The following TUB variants were observed in gnomAD, a reference collection of about 807,000 sequenced individuals.
The protein encoded by TUB is tubby protein homolog.
A neutral mutation model predicts 59.7 loss-of-function variants in TUB; 33 were observed. The observed-to-expected ratio is 0.55, with a 90% CI of 0.42 to 0.74. TUB has a LOEUF of 0.74. Among genes scored for constraint, TUB ranks in the 30% least tolerant of loss-of-function variants. The pLI is 0.00. For synonymous variants in TUB, 293 were observed against 256.4 expected (o/e 1.14, Z -1.36); for missense variants, 659 against 672.0 (o/e 0.98, Z 0.21).
chr11:8,101,853 CAT>C lies in TUB; in HGVS notation c.*235_*236del. On this transcript the variant is annotated 3_prime_UTR_variant, in exon 12 of 12. Coordinates refer to ENST00000299506, the MANE Select transcript of TUB (RefSeq NM_177972.3). ...GTGAAGGGATGAGAATAATTCTTTC[CAT>C]GCCACGAGATCAACACACACTCCCA... The C allele has an allele frequency of 3.4e-6, 2 of 581,752 alleles. No individual in the cohort carries two copies. Among genetic ancestry groups the C allele is most frequent in the South Asian group, 2.6e-5 (1 of 38,632 alleles). The allele number at this position is 581,752 out of a possible 1,614,324, so 36.0% of individuals were successfully genotyped here. A position where few individuals can be genotyped will look rare whatever the true frequency, so the allele number is the denominator to read the frequency against.
Position 8,101,686 on chromosome 11 carries a change from A to G in TUB, c.*67A>G, listed in dbSNP as rs1944314944. The G allele has an allele frequency of 2.5e-6, 4 of 1,580,024 alleles. No homozygotes were observed. The South Asian group carries it at 3.4e-5, about 14-fold the overall frequency. On this transcript the variant is annotated 3_prime_UTR_variant, in exon 12 of 12. Coordinates refer to ENST00000299506, the MANE Select transcript of TUB (RefSeq NM_177972.3). The stretch of plus-strand genomic sequence containing the variant: ...AGCTTGCCTGCCTGCCTGTGGAGAC[A>G]GCCCTGCCTATCCTCTGTATATAGG...
intron 1 of TUB, among the ~76,000 whole-genome samples, chr11:8,089,028 A>C (rs1943719699): frequency 6.6e-6 from 1 of 152,206 alleles, no homozygotes; most frequent in Non-Finnish European, 1.5e-5. Context: ...CTCTCAAATG[A>C]GAAGGAGGAC....
At chr11:8,039,493 A>T in intron 1 of TUB, 1 of 606,000 alleles carries the variant, frequency 1.7e-6, no homozygotes, top group Non-Finnish European at 2.7e-6. Context: ...AAGTCCCTCT[A>T]CCCTGATCCA....
intron 9 of TUB, among the ~76,000 whole-genome samples, chr11:8,100,173 A>G (rs919823597): frequency 6.6e-6 from 1 of 152,204 alleles, no homozygotes; most frequent in Non-Finnish European, 1.5e-5. Context: ...GTCTGGGTAT[A>G]ATTGGAAGGT....
rs1368849854 is a variant in TUB at position 8,100,894 on chromosome 11, G to A, written c.1284G>A (p.Lys428=). The A allele has an allele frequency of 6.2e-7, 1 of 1,614,186 alleles. No individual in the cohort carries two copies. The highest frequency in any genetic ancestry group is 2.2e-5 in the East Asian group (1 of 44,878). ...AGAGTATCATCGAGCTGCAAAACAAGACACCTGTCTGGAATGATGACACAC... is the reference window on the plus strand; with the variant it reads ...AGAGTATCATCGAGCTGCAAAACAAAACACCTGTCTGGAATGATGACACAC... The part of the protein sequence containing the change: ...NTESIIELQN[K]TPVWNDDTQS... Residue 428 remains lysine, a synonymous_variant, in exon 11 of 12, where the codon AAG becomes AAA. Coordinates refer to ENST00000299506, the MANE Select transcript of TUB (RefSeq NM_177972.3).
At chr11:8,032,476 A>G (rs772291236) in intron 1 of TUB, among the ~76,000 whole-genome samples, 10 of 152,140 alleles carry the variant, frequency 6.6e-5, no homozygotes, top group Non-Finnish European at 1.3e-4. Context: ...GTTTTAAAAA[A>G]CTGTTTATTG....
chr11:8,101,833 G>C lies in TUB; in HGVS notation c.*214G>C. On this transcript the variant is annotated 3_prime_UTR_variant, in exon 12 of 12. Transcript: ENST00000299506. ...TGGAGAGCGGGTGGGTGGGTGTGAA[G>C]GGATGAGAATAATTCTTTCCATGCC... The C allele has an allele frequency of 1.4e-6, 1 of 711,144 alleles. No individual in the cohort carries two copies. The highest frequency in any genetic ancestry group is 2.2e-6 in the Non-Finnish European group (1 of 447,592). 44.1% of individuals were successfully genotyped at this position (711,144 alleles called of 1,614,324 possible). A position where few individuals can be genotyped will look rare whatever the true frequency, so the allele number is the denominator to read the frequency against.
chr11:8,099,836 CAGTG>C (rs1338280437), intron 9 of TUB, among the ~76,000 whole-genome samples: 2 of 152,094 alleles, frequency 1.3e-5, no homozygotes, highest in African/African-American at 2.4e-5. Flanking sequence ...CTAGGGGACA[CAGTG>C]AGGACAAAAG....
intron 1 of TUB, among the ~76,000 whole-genome samples, chr11:8,033,392 G>GT (rs1589922544): frequency 6.6e-6 from 1 of 152,206 alleles, no homozygotes. Context: ...CACTCCGGGA[G>GT]TTTCTGACAC....
chr11:8,035,204 C>T (rs1484839488), upstream of TUB, among the ~76,000 whole-genome samples: 1 of 152,210 alleles, frequency 6.6e-6, no homozygotes, highest in Non-Finnish European at 1.5e-5. Context: ...AAAGCACATA[C>T]AACAAAATCA....
chr11:8,053,523 C>T, intron 2 of TUB, among the ~76,000 whole-genome samples: 1 of 151,706 alleles, frequency 6.6e-6, no homozygotes, highest in South Asian at 2.1e-4. Flanking sequence ...TATTTTGAGA[C>T]AGAGTCTCGC....
chr11:8,061,020 TCCCCAGCCCCAGGCATCAGGGTG>T (rs1423178977), intron 2 of TUB, among the ~76,000 whole-genome samples: 1 of 152,170 alleles, frequency 6.6e-6, no homozygotes, highest in Non-Finnish European at 1.5e-5. Context: ...GGCTGGCTCG[TCCCCAGCCCCAGGCATCAGGGTG>T]CCCCATGGTG....
At chr11:8,037,794 A>G (rs1245593287), upstream of TUB, among the ~76,000 whole-genome samples, 1 of 152,184 alleles carries the variant, frequency 6.6e-6, no homozygotes, top group African/African-American at 2.4e-5. Context: ...GTCCAGAGGA[A>G]GTGGGGGTCT....
chr11:8,070,956 G>A (rs1486425085), intron 2 of TUB, among the ~76,000 whole-genome samples: 2 of 152,160 alleles, frequency 1.3e-5, no homozygotes, highest in Non-Finnish European at 1.5e-5. Flanking sequence ...CTGCAGGGGG[G>A]CTGGAGGGAA....
At chr11:8,050,570 G>C (rs1475142251) in intron 2 of TUB, among the ~76,000 whole-genome samples, 2 of 152,194 alleles carry the variant, frequency 1.3e-5, no homozygotes, top group African/African-American at 4.8e-5. Flanking sequence ...GAATAATGAA[G>C]TTGAGCATCT....
At chr11:8,046,180 T>C (rs1271202071) in intron 2 of TUB, among the ~76,000 whole-genome samples, 1 of 152,214 alleles carries the variant, frequency 6.6e-6, no homozygotes, top group Non-Finnish European at 1.5e-5. Flanking sequence ...ATCAGGGCAC[T>C]TGCAGGGTTC....
chr11:8,093,944 G>A (rs1051808114), intron 3 of TUB, 102 bp from the exon 4 acceptor site: 3 of 1,404,336 alleles, frequency 2.1e-6, no homozygotes, highest in East Asian at 2.3e-5. Context: ...GGGACTCGGG[G>A]TGCAGTCAAA....
In TUB at chr11:8,073,274, G is replaced by T. The variant is rs183688713; in HGVS notation, c.204-16336G>T. Reference sequence around the variant, plus strand: ...GAATCAGCAGCAGCAAAAGGGAAGGGCCATGGAGCAAAAAGGTGGTGTGTT... The same window carrying T: ...GAATCAGCAGCAGCAAAAGGGAAGGTCCATGGAGCAAAAAGGTGGTGTGTT... On this transcript the variant is annotated intron_variant, in intron 2 of 12. Transcript: ENST00000305253. 3.0e-3 allele frequency among the ~76,000 whole-genome samples: 456 copies of T among 152,298 alleles called. 2 individuals are homozygous for T. The highest frequency in any genetic ancestry group is 4.8e-3 in the Non-Finnish European group (326 of 68,016).
At chr11:8,082,386 T>TG (rs1305458642) in intron 1 of TUB, among the ~76,000 whole-genome samples, 1 of 152,102 alleles carries the variant, frequency 6.6e-6, no homozygotes. Flanking sequence ...AGGTGGTCTC[T>TG]GGGGGGCCCC....
Sources: allele counts gnomAD v4.1 joint callset (sites outside exome capture counted in the v4.1 genomes callset), GRCh38; gene constraint gnomAD v4.1.1; transcripts MANE v1.5; gene names NCBI Gene and HGNC (gene_info 2026-07-23, HGNC 2026-07-21).